Variants in FER observed in about 807,000 individuals in gnomAD.
FER encodes tyrosine-protein kinase Fer.
A neutral mutation model predicts 111.0 loss-of-function variants in FER; 63 were observed. The ratio of observed to expected loss-of-function variants is 0.57; its 90% CI spans 0.46 to 0.70. FER has a LOEUF of 0.70. Among genes scored for constraint, FER ranks in the 30% least tolerant of loss-of-function variants. FER has a pLI of 0.00. For synonymous variants in FER, 327 were observed against 313.9 expected, an observed-to-expected ratio of 1.04 and a Z score of -0.44; for missense variants, 914 against 954.0, an observed-to-expected ratio of 0.96 and a Z score of 0.55.
At chr5:109,139,413 C>T (rs1319463276) in intron 17 of FER, among the ~76,000 whole-genome samples, 1 of 141,676 alleles carries the variant, frequency 7.1e-6, no homozygotes, top group Non-Finnish European at 1.5e-5. Context: ...TGCAGTGGTG[C>T]GATCTCGGCT....
intron 13 of FER, among the ~76,000 whole-genome samples, chr5:108,973,752 A>G (rs1331950790): frequency 6.6e-6 from 1 of 152,136 alleles, no homozygotes; most frequent in Non-Finnish European, 1.5e-5. Context: ...CATGAGGGAT[A>G]CTTCCTAATG....
At chr5:109,092,503 G>A (rs147953812) in intron 16 of FER, among the ~76,000 whole-genome samples, 1 of 152,076 alleles carries the variant, frequency 6.6e-6, no homozygotes, top group Admixed American at 6.5e-5. Flanking sequence ...TAAGCAAATT[G>A]AAAGATTTTC....
intron 16 of FER, among the ~76,000 whole-genome samples, chr5:109,072,745 A>G (rs938900732): frequency 1.7e-4 from 26 of 152,058 alleles, no homozygotes; most frequent in African/African-American, 4.8e-4. Flanking sequence ...ATCACAAACT[A>G]TGTGATTTAA....
At chr5:109,095,595 T>C (rs1342233228) in intron 16 of FER, among the ~76,000 whole-genome samples, 1 of 152,118 alleles carries the variant, frequency 6.6e-6, no homozygotes, top group Non-Finnish European at 1.5e-5. Context: ...TTATATCCTA[T>C]TGTATGAAAT....
chr5:108,822,829 G>A (rs893220360), intron 3 of FER, among the ~76,000 whole-genome samples: 10 of 147,322 alleles, frequency 6.8e-5, no homozygotes, highest in Admixed American at 4.1e-4. Flanking sequence ...TCGTTCTGTC[G>A]CCTAGGCTGG....
intron 2 of FER, among the ~76,000 whole-genome samples, chr5:108,780,548 C>G (rs1299104679): frequency 6.6e-6 from 1 of 151,356 alleles, no homozygotes; most frequent in African/African-American, 2.4e-5. Flanking sequence ...TTTTCTTTAT[C>G]TTTTATTTTC....
chr5:108,798,448 A>G (rs1465240703), intron 3 of FER, 59 bp downstream of exon 3: 1 of 1,309,732 alleles, frequency 7.6e-7, no homozygotes, highest in African/African-American at 1.5e-5. Flanking sequence ...CTTAAAATGC[A>G]ATAGCTCAAA....
intron 16 of FER, among the ~76,000 whole-genome samples, chr5:109,093,147 A>C (rs1747040213): frequency 6.6e-6 from 1 of 152,208 alleles, no homozygotes; most frequent in South Asian, 2.1e-4. Context: ...AGTTTCAATC[A>C]AGTAAAACCA....
chr5:109,000,995 A>C (rs897341058), intron 13 of FER, among the ~76,000 whole-genome samples: 36 of 152,212 alleles, frequency 2.4e-4, no homozygotes, highest in Non-Finnish European at 4.6e-4. Context: ...CAGGAGCTGA[A>C]ATTGTGGCAA....
intron 17 of FER, among the ~76,000 whole-genome samples, chr5:109,119,010 C>T (rs193105509): frequency 0.028 from 4,125 of 149,030 alleles, 72 homozygotes; most frequent in Middle Eastern, 0.095. Flanking sequence ...CTATCTCCTT[C>T]AGTTCTGCTC....
Position 109,029,198 on chromosome 5 carries a change from T to C in FER, c.1657-8224T>C, listed in dbSNP as rs372460860. Among the ~76,000 whole-genome samples, 8 of 151,770 alleles carry C rather than the reference T, an allele frequency of 5.3e-5. No homozygotes were observed. The East Asian group carries it at 9.6e-4, about 18-fold the overall frequency. On this transcript the variant is annotated intron_variant, in intron 13 of 19. Transcript: ENST00000281092. ...GTAGAGCTCTGTTTAGTTTTGGTTT[T>C]ACCTACGTCCTTTTAGGCTTTCTTT...
intron 2 of FER, among the ~76,000 whole-genome samples, chr5:108,786,186 G>T (rs1754696517): frequency 6.6e-6 from 1 of 152,200 alleles, no homozygotes; most frequent in Non-Finnish European, 1.5e-5. Flanking sequence ...TCATTCACCA[G>T]TTCATCATAG....
chr5:109,068,956 G>A (rs985258278), intron 16 of FER, among the ~76,000 whole-genome samples: 1 of 152,210 alleles, frequency 6.6e-6, no homozygotes, highest in Non-Finnish European at 1.5e-5. Context: ...TTTCACAGCA[G>A]TAGTAGTCGC....
chr5:109,113,373 T>C (rs1749856311), intron 17 of FER, among the ~76,000 whole-genome samples: 1 of 152,178 alleles, frequency 6.6e-6, no homozygotes, highest in African/African-American at 2.4e-5. Context: ...AATATATTTC[T>C]TTTTCTAATT....
At chr5:109,119,457 G>T (rs957809768) in intron 17 of FER, among the ~76,000 whole-genome samples, 1 of 152,112 alleles carries the variant, frequency 6.6e-6, no homozygotes, top group African/African-American at 2.4e-5. Flanking sequence ...AATAAGTGCA[G>T]TGTGGTGCTA....
chr5:109,110,332 C>T (rs1749454545), intron 17 of FER, among the ~76,000 whole-genome samples: 1 of 152,016 alleles, frequency 6.6e-6, no homozygotes, highest in Non-Finnish European at 1.5e-5. Flanking sequence ...GAGATGGGCA[C>T]CATTTTATAT....
chr5:108,884,755 ACTTGTTC>A (rs1432869124), intron 9 of FER, among the ~76,000 whole-genome samples: 1 of 151,932 alleles, frequency 6.6e-6, no homozygotes, highest in Non-Finnish European at 1.5e-5. Flanking sequence ...CTTAGTTCGA[ACTTGTTC>A]CAAGAGTGAT....
chr5:108,943,730 G>C (rs779943002), intron 10 of FER, among the ~76,000 whole-genome samples: 1 of 151,716 alleles, frequency 6.6e-6, no homozygotes, highest in African/African-American at 2.4e-5. Context: ...CTGTTTGTTT[G>C]TTTTTATTTT....
intron 17 of FER, among the ~76,000 whole-genome samples, chr5:109,137,200 A>AT (rs1327059324): frequency 1.3e-5 from 2 of 151,986 alleles, no homozygotes; most frequent in African/African-American, 2.4e-5. Context: ...TCATGAAAGG[A>AT]TTTTTTTCTA....
Sources: allele counts gnomAD v4.1 joint callset (sites outside exome capture counted in the v4.1 genomes callset), GRCh38; gene constraint gnomAD v4.1.1; transcripts MANE v1.5; gene names NCBI Gene and HGNC (gene_info 2026-07-23, HGNC 2026-07-21).